PTGER3: variants seen among roughly 807,000 people sequenced by gnomAD.
The protein encoded by PTGER3 is prostaglandin E receptor 3, also known as prostaglandin E2 receptor EP3 subtype.
Under a neutral mutation model 34.7 loss-of-function variants are expected in PTGER3, and 22 were observed. The observed-to-expected ratio is 0.63, with a 90% CI of 0.45 to 0.91. The LOEUF is 0.91. Among genes scored for constraint, PTGER3 ranks in the 40% least tolerant of loss-of-function variants. PTGER3 has a pLI of 0.00. For synonymous variants in PTGER3, 241 were observed against 230.1 expected (o/e 1.05, Z -0.43); for missense variants, 468 against 519.4 (o/e 0.90, Z 0.96).
chr1:70,990,384 CACATAT>C (rs1252157967), intron 2 of PTGER3, among the ~76,000 whole-genome samples: 53 of 99,962 alleles, frequency 5.3e-4, no homozygotes, highest in East Asian at 1.7e-3. Context: ...CACACACACA[CACATAT>C]ATATATATAT....
intron 1 of PTGER3, among the ~76,000 whole-genome samples, chr1:71,017,457 T>C (rs925364046): frequency 6.6e-6 from 1 of 152,118 alleles, no homozygotes; most frequent in African/African-American, 2.4e-5. Flanking sequence ...CAGAGAAATG[T>C]GTGTTGCTCT....
At chr1:70,943,861 AG>A in intron 4 of PTGER3, among the ~76,000 whole-genome samples, 1 of 151,734 alleles carries the variant, frequency 6.6e-6, no homozygotes, top group East Asian at 1.9e-4. Context: ...AGAGAGAGAG[AG>A]AGAGAGAGAG....
chr1:70,906,798 A>G (rs1213398931), intron 4 of PTGER3, among the ~76,000 whole-genome samples: 1 of 152,208 alleles, frequency 6.6e-6, no homozygotes, highest in Non-Finnish European at 1.5e-5. Flanking sequence ...AGCATTTGAC[A>G]TATACATGCA....
At chr1:71,017,220 C>A (rs971217755) in intron 1 of PTGER3, among the ~76,000 whole-genome samples, 1 of 152,088 alleles carries the variant, frequency 6.6e-6, no homozygotes, top group Non-Finnish European at 1.5e-5. Flanking sequence ...CTTTTCCCAG[C>A]TGTGGCCAGA....
At position 71,047,746 on chromosome 1, in the gene PTGER3, G is replaced by A. The variant is rs545493518; in HGVS notation, c.-169C>T. ...ACTCCGCTGCTGGGACCGCGGCCGCGGCGGCGCCAGGGCTCACTGGCCCGG... is the reference window on the plus strand; with the variant it reads ...ACTCCGCTGCTGGGACCGCGGCCGCAGCGGCGCCAGGGCTCACTGGCCCGG... On this transcript the variant is annotated 5_prime_UTR_variant, in exon 1 of 4. Coordinates refer to ENST00000306666, the MANE Select transcript of PTGER3 (RefSeq NM_198719.2). The A allele has an allele frequency of 2.2e-5, 14 of 622,398 alleles. No homozygotes were observed. The highest frequency in any genetic ancestry group is 1.3e-4 in the African/African-American group (7 of 51,888). The allele number at this position is 622,398 out of a possible 1,614,324, so 38.6% of individuals were successfully genotyped here.
chr1:71,022,979 T>C (rs1362991943), intron 1 of PTGER3, among the ~76,000 whole-genome samples: 2 of 151,876 alleles, frequency 1.3e-5, no homozygotes, highest in East Asian at 3.8e-4. Flanking sequence ...TCTCCCACTT[T>C]TGGCAGTTTC....
intron 3 of PTGER3, among the ~76,000 whole-genome samples, chr1:70,972,345 A>T (rs1653176137): frequency 6.6e-6 from 1 of 152,178 alleles, no homozygotes; most frequent in African/African-American, 2.4e-5. Flanking sequence ...TAATTCATTA[A>T]TTAAAGTATT....
intron 4 of PTGER3, among the ~76,000 whole-genome samples, chr1:70,860,064 C>T (rs964348326): frequency 1.3e-5 from 2 of 151,530 alleles, no homozygotes; most frequent in African/African-American, 2.4e-5. Context: ...GGGGAGTGGG[C>T]GCTGGATTTG....
intron 4 of PTGER3, among the ~76,000 whole-genome samples, chr1:70,930,253 C>G (rs1572679790): frequency 6.6e-6 from 1 of 152,312 alleles, no homozygotes; most frequent in East Asian, 1.9e-4. Flanking sequence ...GTCCTACTGA[C>G]CCAGACTCCC....
At chr1:70,902,977 G>A (rs1646872070) in intron 4 of PTGER3, among the ~76,000 whole-genome samples, 1 of 152,136 alleles carries the variant, frequency 6.6e-6, no homozygotes, top group Non-Finnish European at 1.5e-5. Flanking sequence ...AAGAAACTTT[G>A]CATATATAAT....
intron 4 of PTGER3, among the ~76,000 whole-genome samples, chr1:70,853,678 A>C (rs1256615051): frequency 6.6e-6 from 1 of 152,198 alleles, no homozygotes; most frequent in Non-Finnish European, 1.5e-5. Context: ...TTGCTGAAAA[A>C]TACTTCAAAT....
chr1:71,033,981 T>G (rs962331978), intron 1 of PTGER3, among the ~76,000 whole-genome samples: 9 of 152,164 alleles, frequency 5.9e-5, no homozygotes, highest in Admixed American at 5.9e-4. Flanking sequence ...TGGTATAGTA[T>G]TTTTATCTTT....
At position 70,945,716 on chromosome 1, in the gene PTGER3, G is replaced by A. The variant is rs1572720107; in HGVS notation, c.*23+8047C>T. 6.6e-5 allele frequency among the ~76,000 whole-genome samples: 10 copies of A among 152,084 alleles called. No individual in the cohort carries two copies. The East Asian group carries it at 1.9e-3, about 29-fold the overall frequency. On this transcript the variant is annotated intron_variant, in intron 4 of 4. Coordinates refer to the PTGER3 transcript ENST00000370931. Reference sequence around the variant, plus strand: ...TTATCTTTTGAAATACTAGTTTAAGGAAGTGCATCAATAAAACCTTTAACT... The same window carrying A: ...TTATCTTTTGAAATACTAGTTTAAGAAAGTGCATCAATAAAACCTTTAACT...
At chr1:70,958,946 A>G (rs925154640) in intron 2 of PTGER3, among the ~76,000 whole-genome samples, 4 of 152,100 alleles carry the variant, frequency 2.6e-5, no homozygotes, top group African/African-American at 9.7e-5. Context: ...CCTTTCTCCA[A>G]TGTGTGTTCT....
At chr1:70,946,153 TCAGATATCTCTGGATTTAAGTCC>T (rs1650206961) in intron 4 of PTGER3, among the ~76,000 whole-genome samples, 1 of 152,046 alleles carries the variant, frequency 6.6e-6, no homozygotes, top group Non-Finnish European at 1.5e-5. Context: ...ACTTGCAGAG[TCAGATATCTCTGGATTTAAGTCC>T]CAGCCCCACC....
intron 4 of PTGER3, among the ~76,000 whole-genome samples, chr1:70,945,848 A>G (rs1198389180): frequency 6.6e-6 from 1 of 152,122 alleles, no homozygotes; most frequent in Non-Finnish European, 1.5e-5. Flanking sequence ...ACTCTAACCT[A>G]AAATTTTTGC....
intron 1 of PTGER3, among the ~76,000 whole-genome samples, chr1:71,035,933 C>T (rs1231454736): frequency 1.3e-5 from 2 of 152,206 alleles, no homozygotes; most frequent in African/African-American, 4.8e-5. Context: ...TCCCTAATCC[C>T]AATGCATCAG....
At chr1:70,955,604 C>A (rs17090695) in intron 2 of PTGER3, among the ~76,000 whole-genome samples, 2,980 of 152,172 alleles carry the variant, frequency 0.02, 99 homozygotes, top group African/African-American at 0.067. Flanking sequence ...TCTGCATGAT[C>A]TAATATTGTT....
intron 4 of PTGER3, among the ~76,000 whole-genome samples, chr1:70,884,695 G>A (rs905234283): frequency 3.3e-5 from 5 of 152,170 alleles, no homozygotes; most frequent in African/African-American, 7.2e-5. Context: ...TAAATTTATG[G>A]TGATTTGTTA....
Sources: allele counts gnomAD v4.1 joint callset (sites outside exome capture counted in the v4.1 genomes callset), GRCh38; gene constraint gnomAD v4.1.1; transcripts MANE v1.5; gene names NCBI Gene and HGNC (gene_info 2026-07-23, HGNC 2026-07-21).